ZNF416: variants seen among roughly 807,000 people sequenced by gnomAD.
The protein encoded by ZNF416 is zinc finger protein 416.
A neutral mutation model predicts 10.9 loss-of-function variants in ZNF416; 5 were observed. That is an observed-to-expected ratio of 0.46 (90% CI 0.24 to 0.97). The LOEUF is 0.97. Among genes scored for constraint, ZNF416 ranks in the 50% least tolerant of loss-of-function variants. The pLI, the probability that ZNF416 is intolerant of heterozygous loss-of-function variation, is 0.19. For synonymous variants in ZNF416, 267 were observed against 251.8 expected (o/e 1.06, Z -0.57); for missense variants, 675 against 715.0 (o/e 0.94, Z 0.64).
chr19:57,574,632 TAAGA>T (rs1004932165), intron 3 of ZNF416, among the ~76,000 whole-genome samples: 8 of 152,122 alleles, frequency 5.3e-5, no homozygotes, highest in African/African-American at 1.9e-4. Flanking sequence ...GAAAGCAGGA[TAAGA>T]AAGAGGCTGC....
At position 57,575,726 on chromosome 19, in the gene ZNF416, A is replaced by G; in HGVS notation, c.202+78T>C. 1 of 1,600,002 alleles carries G rather than the reference A, an allele frequency of 6.2e-7. No homozygotes were observed. The highest frequency in any genetic ancestry group is 8.6e-7 in the Non-Finnish European group (1 of 1,167,884). ...GACAGTGGGGAAGTCAGCAAAGCCC[A>G]CGGTCCGGCAGAGCTGCCTCTGAGG... On this transcript the variant is annotated intron_variant, in intron 3 of 3. Transcript: ENST00000196489. The surrounding 1 kb of genome is among the most constrained non-coding windows in gnomAD (Gnocchi z 4.4).
chr19:57,575,969 T>C lies in ZNF416; in HGVS notation c.76-39A>G, dbSNP rs748745516. ...GATAGATCTTTCCATGATCAGATTC[T>C]CTCCTAGGACCCCAAGTTCATGCCC... On this transcript the variant is annotated intron_variant, in intron 2 of 3. Coordinates refer to ENST00000196489, the MANE Select transcript of ZNF416 (RefSeq NM_017879.3). This position sits in a 1 kb window ranked among gnomAD's most constrained non-coding sequence, Gnocchi z 4.4. 9 of 1,602,954 alleles carry C rather than the reference T, an allele frequency of 5.6e-6. No individual in the cohort carries two copies. The Admixed American group carries it at 1.4e-4, about 24-fold the overall frequency.
rs1978616408 is a variant in ZNF416 at position 57,578,192 on chromosome 19, G to A, written c.34-94C>T. 5 of 1,273,564 alleles carry A rather than the reference G, an allele frequency of 3.9e-6. No homozygotes were observed. The African/African-American group carries it at 5.9e-5, about 15-fold the overall frequency. The allele number at this position is 1,273,564 out of a possible 1,614,324, so 78.9% of individuals were successfully genotyped here. On this transcript the variant is annotated intron_variant, in intron 1 of 3. Coordinates refer to ENST00000196489, the MANE Select transcript of ZNF416 (RefSeq NM_017879.3). Reference sequence around the variant, plus strand: ...GTTTCCCTGCGCAGCCCTGGAGCCAGGTGACTTGGTGATGACTAAATTATT... The same window carrying A: ...GTTTCCCTGCGCAGCCCTGGAGCCAAGTGACTTGGTGATGACTAAATTATT...
At position 57,573,154 on chromosome 19, in the gene ZNF416, G is replaced by A. The variant is rs1978376949; in HGVS notation, c.750C>T (p.Ala250=). The part of the protein sequence containing the change: ...RLYESSKCGK[A]CCCECSLVQL... ...GAACAAGGGAGCACTCACAGCAGCAGGCTTTCCCACATTTGCTAGATTCAT... is the reference window on the plus strand; with the variant it reads ...GAACAAGGGAGCACTCACAGCAGCAAGCTTTCCCACATTTGCTAGATTCAT... Residue 250 remains alanine, a synonymous_variant, in exon 4 of 4, where the codon GCC becomes GCT. Coordinates refer to ENST00000196489, the MANE Select transcript of ZNF416 (RefSeq NM_017879.3). 6.2e-7 allele frequency: 1 copy of A among 1,614,180 alleles called. No homozygotes were observed. Among genetic ancestry groups the A allele is most frequent in the Non-Finnish European group, 8.5e-7 (1 of 1,180,030 alleles).
Position 57,572,880 on chromosome 19 carries a change from T to C in ZNF416, c.1024A>G (p.Ile342Val), listed in dbSNP as rs758127456. ...CCAGTGTGAATTCTGCAATGTTCAA[T>C]AAGGTTGGAACTTTGGCTAAAAGAT... is the stretch of plus-strand genomic sequence containing the variant. ...GKSFSQSSNL[I>V]EHCRIHTGER... Residue 342 changes from isoleucine (I) to valine (V), a missense_variant, in exon 4 of 4, where the codon ATT becomes GTT. Transcript: ENST00000196489. The surrounding 1 kb of genome is among the most constrained non-coding windows in gnomAD (Gnocchi z 4.5). 1.2e-6 allele frequency: 2 copies of C among 1,613,660 alleles called. No homozygotes were observed. The highest frequency in any genetic ancestry group is 3.3e-5 in the Admixed American group (2 of 59,992).
Position 57,572,701 on chromosome 19 carries a change from C to G in ZNF416, c.1203G>C (p.Gln401His), listed in dbSNP as rs1385227445. ...FRQSFSLVVH[Q>H]RIHTTARPYE... is the part of the protein sequence containing the mutation. The stretch of plus-strand genomic sequence containing the variant: ...AAGGCCTTGCTGTAGTGTGAATTCT[C>G]TGGTGTACAACAAGGCTGAAGCTTT... The change falls in exon 4 of 4, where the codon CAG becomes CAC. Residue 401 changes from glutamine to histidine, a missense_variant. Physicochemically the swap from Gln to His is conservative, Grantham distance 24 (BLOSUM62 0). Transcript: ENST00000196489. The surrounding 1 kb of genome is among the most constrained non-coding windows in gnomAD (Gnocchi z 4.5). 1.2e-6 allele frequency: 2 copies of G among 1,613,926 alleles called. No individual in the cohort carries two copies. The highest frequency in any genetic ancestry group is 1.7e-6 in the Non-Finnish European group (2 of 1,180,000).
In ZNF416 at chr19:57,573,139, G is replaced by A. The variant is rs966856863; in HGVS notation, c.765C>T (p.Cys255=). 4.3e-5 allele frequency: 70 copies of A among 1,614,120 alleles called. No homozygotes were observed. The highest frequency in any genetic ancestry group is 5.8e-5 in the Non-Finnish European group (69 of 1,180,042). ...SKCGKACCCE[C]SLVQLQRVHP... The stretch of plus-strand genomic sequence containing the variant: ...GGACTCTTTGCAGCTGAACAAGGGA[G>A]CACTCACAGCAGCAGGCTTTCCCAC... The change falls in exon 4 of 4, where the codon TGC becomes TGT. Residue 255 remains cysteine (C), a synonymous_variant. Coordinates refer to ENST00000196489, the MANE Select transcript of ZNF416 (RefSeq NM_017879.3).
chr19:57,578,643 A>G, intron 1 of ZNF416, 29 bp downstream of exon 1: 1 of 1,535,590 alleles, frequency 6.5e-7, no homozygotes, highest in Non-Finnish European at 8.8e-7. Context: ...CGGAGAGGGC[A>G]GGTGAGGCCC....
chr19:57,578,617 G>A, intron 1 of ZNF416, 55 bp downstream of exon 1: 2 of 1,493,640 alleles, frequency 1.3e-6, no homozygotes, highest in Non-Finnish European at 1.8e-6. Flanking sequence ...CCTCATGCAG[G>A]GTGTTGGATT....
rs371407051 is a variant in ZNF416 at position 57,572,371 on chromosome 19, T to A, written c.1533A>T (p.Glu511Asp). 1.5e-5 allele frequency: 25 copies of A among 1,614,082 alleles called. No homozygotes were observed. In the African/African-American group the frequency reaches 3.2e-4, roughly 21 times the overall value. ...KFFRQSYTLV[E>D]HQKIHTGLRP... is the part of the protein sequence containing the mutation. ...TTAATCCAGTGTGAATTTTCTGGTG[T>A]TCAACGAGGGTATAGCTTTGTCTAA... The change falls in exon 4 of 4, where the codon GAA becomes GAT. Residue 511 changes from glutamate to aspartate, a missense_variant. By Grantham distance (45) the Glu-to-Asp change is conservative. Transcript: ENST00000196489. The surrounding 1 kb of genome is among the most constrained non-coding windows in gnomAD (Gnocchi z 4.5).
intron 3 of ZNF416, among the ~76,000 whole-genome samples, chr19:57,574,998 A>C (rs899271357): frequency 6.6e-6 from 1 of 152,212 alleles, no homozygotes; most frequent in Non-Finnish European, 1.5e-5. Context: ...GAGGGCAGGA[A>C]GATGGGGGCA....
chr19:57,578,199 T>C (rs1014170373), intron 1 of ZNF416, 101 bp from the exon 2 acceptor site: 2 of 1,161,756 alleles, frequency 1.7e-6, no homozygotes, highest in Non-Finnish European at 2.6e-6. Flanking sequence ...CCAGGTGACT[T>C]GGTGATGACT....
At chr19:57,578,569 G>T in intron 1 of ZNF416, 103 bp downstream of exon 1, 1 of 1,321,552 alleles carries the variant, frequency 7.6e-7, no homozygotes, top group Non-Finnish European at 1.0e-6. Context: ...CATAGTCCTG[G>T]ACTCTAGGGT....
Position 57,573,014 on chromosome 19 carries a change from G to A in ZNF416, c.890C>T (p.Pro297Leu). ...TTTCCCACACTGACCACACACATAA[G>A]GCCTTTCTCCAGTGTGGATTCTCCG... ...DHRRIHTGER[P>L]YVCGQCGKSF... is the part of the protein sequence containing the mutation. Residue 297 changes from proline (P) to leucine (L), a missense_variant, in exon 4 of 4, where the codon CCT becomes CTT. Coordinates refer to ENST00000196489, the MANE Select transcript of ZNF416 (RefSeq NM_017879.3). 1 of 1,614,162 alleles carries A rather than the reference G, an allele frequency of 6.2e-7. No individual in the cohort carries two copies. The highest frequency in any genetic ancestry group is 8.5e-7 in the Non-Finnish European group (1 of 1,180,040).
chr19:57,576,332 T>G (rs1390922681), intron 2 of ZNF416, among the ~76,000 whole-genome samples: 1 of 152,112 alleles, frequency 6.6e-6, no homozygotes, highest in African/African-American at 2.4e-5. Flanking sequence ...CATCACTCTT[T>G]GAAGCACACA....
At position 57,578,847 on chromosome 19, in the gene ZNF416, C is replaced by T. The variant is rs1262461151; in HGVS notation, c.-143G>A. 1.2e-6 allele frequency: 1 copy of T among 824,678 alleles called. No homozygotes were observed. 51.1% of individuals were successfully genotyped at this position (824,678 alleles called of 1,614,324 possible). On this transcript the variant is annotated 5_prime_UTR_variant, in exon 1 of 4. Coordinates refer to ENST00000196489, the MANE Select transcript of ZNF416 (RefSeq NM_017879.3). ...TGTGCCGGAGGCAGCGTTTCTAACT[C>T]AGGCGGCGTGGGCCGAGGTAGAGAA...
Position 57,573,350 on chromosome 19 carries a change from C to A in ZNF416, c.554G>T (p.Gly185Val). 2 of 1,614,200 alleles carry A rather than the reference C, an allele frequency of 1.2e-6. No individual in the cohort carries two copies. The highest frequency in any genetic ancestry group is 1.7e-6 in the Non-Finnish European group (2 of 1,180,038). ...EVGKDFLAPL[G>V]ILQPQAIANY... ...AGCAATAGCTTGCGGCTGAAGAATG[C>A]CCAATGGGGCTAGGAAGTCCTTCCC... Residue 185 changes from glycine (G) to valine (V), a missense_variant, in exon 4 of 4, where the codon GGC becomes GTC. Transcript: ENST00000196489.
Position 57,572,952 on chromosome 19 carries a change from T to G in ZNF416, c.952A>C (p.Arg318=), listed in dbSNP as rs917719928. 1 of 1,614,110 alleles carries G rather than the reference T, an allele frequency of 6.2e-7. No individual in the cohort carries two copies. Among genetic ancestry groups the G allele is most frequent in the Non-Finnish European group, 8.5e-7 (1 of 1,180,020 alleles). Residue 318 remains arginine, a synonymous_variant, in exon 4 of 4, where the codon AGA becomes CGA. Transcript: ENST00000196489. The surrounding 1 kb of genome is among the most constrained non-coding windows in gnomAD (Gnocchi z 4.5). ...SQRATLIKHH[R]VHTGERPYEC... ...TAAGGCCTTTCTCCAGTGTGAACTC[T>G]GTGATGTTTAATGAGGGTGGCTCTT...
In ZNF416 at chr19:57,578,234, G is replaced by C. The variant is rs773031996; in HGVS notation, c.34-136C>G. 38 of 834,406 alleles carry C rather than the reference G, an allele frequency of 4.6e-5. No homozygotes were observed. The African/African-American group carries it at 6.2e-4, about 14-fold the overall frequency. The allele number at this position is 834,406 out of a possible 1,614,324, so 51.7% of individuals were successfully genotyped here. ...TAAATTATTATTGCTCCTCAGTTCC[G>C]TGTGACTCTTACCTGCTGTGGGACC... On this transcript the variant is annotated intron_variant, in intron 1 of 3. Transcript: ENST00000196489.
Sources: gnomAD v4.1 joint callset for allele counts (sites outside exome capture counted in the v4.1 genomes callset) on GRCh38, gnomAD v4.1.1 for gene constraint, Gnocchi (gnomAD v3.1) non-coding constraint, MANE v1.5 for transcripts, NCBI Gene and HGNC (gene_info 2026-07-23, HGNC 2026-07-21) for gene names.